The following SLC2A9 variants were observed in gnomAD, a reference collection of about 807,000 sequenced individuals.
The protein encoded by SLC2A9 is solute carrier family 2 member 9.
A neutral mutation model predicts 50.6 loss-of-function variants in SLC2A9; 39 were observed. That is an observed-to-expected ratio of 0.77 (90% CI 0.60 to 1.01). SLC2A9 has a LOEUF of 1.01. Among genes scored for constraint, SLC2A9 ranks in the 50% least tolerant of loss-of-function variants. The pLI is 0.00. For missense variants in SLC2A9, 686 were observed against 677.6 expected (o/e 1.01, Z -0.14); for synonymous variants, 324 against 276.9 (o/e 1.17, Z -1.69).
intron 5 of SLC2A9, among the ~76,000 whole-genome samples, chr4:9,954,165 G>A (rs1037763485): frequency 8.6e-5 from 13 of 151,966 alleles, no homozygotes; most frequent in African/African-American, 2.2e-4. Context: ...CTCAAACTCC[G>A]GGGCTCAAGA....
chr4:9,977,871 C>A (rs1224723810), intron 5 of SLC2A9, among the ~76,000 whole-genome samples: 1 of 152,182 alleles, frequency 6.6e-6, no homozygotes, highest in Non-Finnish European at 1.5e-5. Flanking sequence ...CAGCAGCCAA[C>A]CCAATACCTG....
intron 5 of SLC2A9, among the ~76,000 whole-genome samples, chr4:9,949,525 G>A (rs1267112883): frequency 2.0e-5 from 3 of 152,220 alleles, no homozygotes; most frequent in African/African-American, 7.2e-5. Flanking sequence ...GTAAAGGTCA[G>A]GTAACTCATG....
At chr4:9,870,980 A>T (rs1469227729) in intron 10 of SLC2A9, among the ~76,000 whole-genome samples, 2 of 152,122 alleles carry the variant, frequency 1.3e-5, no homozygotes, top group Non-Finnish European at 2.9e-5. Context: ...ACATTGGTGT[A>T]ATCTTAGCTC....
intron 1 of SLC2A9, among the ~76,000 whole-genome samples, chr4:10,038,842 C>T (rs1483617755): frequency 1.3e-5 from 2 of 152,180 alleles, no homozygotes; most frequent in East Asian, 3.9e-4. Flanking sequence ...CCCTCAGTCA[C>T]TGTCAAACAC....
At chr4:9,850,763 C>T (rs545321356) in intron 10 of SLC2A9, among the ~76,000 whole-genome samples, 32 of 152,230 alleles carry the variant, frequency 2.1e-4, no homozygotes, top group Middle Eastern at 3.4e-3. Context: ...TGGACCTTGC[C>T]TCCCTCTCTT....
At chr4:9,961,044 T>C (rs1245136782) in intron 5 of SLC2A9, among the ~76,000 whole-genome samples, 1 of 152,162 alleles carries the variant, frequency 6.6e-6, no homozygotes, top group Middle Eastern at 3.2e-3. Context: ...AATATTATTG[T>C]CCTCATTTTA....
intron 2 of SLC2A9, among the ~76,000 whole-genome samples, chr4:10,006,936 T>C (rs1035438687): frequency 3.3e-5 from 5 of 151,890 alleles, no homozygotes; most frequent in Admixed American, 2.6e-4. Context: ...GTTTCCTTGT[T>C]AGACAAATTT....
At chr4:9,775,683 T>C (rs1717458595), downstream of SLC2A9, among the ~76,000 whole-genome samples, 1 of 152,138 alleles carries the variant, frequency 6.6e-6, no homozygotes, top group Non-Finnish European at 1.5e-5. Context: ...GGCCACGTGA[T>C]GTGCCTGCTC....
At chr4:9,942,157 G>A (rs1199570492) in intron 5 of SLC2A9, 112 bp from the exon 6 acceptor site, 47 of 1,311,668 alleles carry the variant, frequency 3.6e-5, no homozygotes, top group Non-Finnish European at 4.8e-5. Context: ...TGCCCAGCAT[G>A]ATCCCCAGGA....
Position 9,852,666 on chromosome 4 carries a change from T to C in SLC2A9, c.1292-17658A>G, listed in dbSNP as rs146528647. On this transcript the variant is annotated intron_variant, in intron 10 of 11. Coordinates refer to ENST00000264784, the MANE Select transcript of SLC2A9 (RefSeq NM_020041.3). ...TTCAGATAAGCAAGTGCTAAGGGAA[T>C]TCATTACCACCAGATCTGCCATATA... Among the ~76,000 whole-genome samples, 540 of 152,288 alleles carry C rather than the reference T, an allele frequency of 3.5e-3. 4 individuals are homozygous for C. Among genetic ancestry groups the C allele is most frequent in the African/African-American group, 0.012 (488 of 41,550 alleles).
chr4:10,005,182 A>G (rs1054557330), intron 2 of SLC2A9, among the ~76,000 whole-genome samples: 1 of 152,252 alleles, frequency 6.6e-6, no homozygotes, highest in Admixed American at 6.5e-5. Context: ...AAATGCCATG[A>G]CAATAGGAAG....
chr4:9,920,784 C>T (rs1388072839), intron 6 of SLC2A9, among the ~76,000 whole-genome samples: 1 of 152,212 alleles, frequency 6.6e-6, no homozygotes, highest in Non-Finnish European at 1.5e-5. Context: ...TGCTCAACAT[C>T]ACCCAGCTGG....
At chr4:9,795,676 A>G (rs1720507483), downstream of SLC2A9, among the ~76,000 whole-genome samples, 1 of 152,218 alleles carries the variant, frequency 6.6e-6, no homozygotes, top group Non-Finnish European at 1.5e-5. Context: ...AAAAAGACTA[A>G]AGTCTTAATT....
intron 10 of SLC2A9, among the ~76,000 whole-genome samples, chr4:9,883,746 A>G (rs1051087516): frequency 1.6e-4 from 25 of 152,204 alleles, no homozygotes; most frequent in African/African-American, 5.8e-4. Flanking sequence ...CTTACAGCTT[A>G]GTGCCTACTC....
At chr4:9,947,442 C>G (rs150805364) in intron 5 of SLC2A9, among the ~76,000 whole-genome samples, 4 of 152,304 alleles carry the variant, frequency 2.6e-5, no homozygotes, top group East Asian at 3.9e-4. Context: ...CCAGCCCACT[C>G]TGACCCCAAC....
upstream of SLC2A9, among the ~76,000 whole-genome samples, chr4:10,023,484 T>C (rs1057465892): frequency 2.6e-5 from 4 of 152,206 alleles, no homozygotes; most frequent in African/African-American, 4.8e-5. Context: ...AAAGCTCAAA[T>C]TGGATCAGGT....
intron 10 of SLC2A9, among the ~76,000 whole-genome samples, chr4:9,851,997 T>C (rs1351464781): frequency 1.3e-5 from 2 of 152,190 alleles, no homozygotes; most frequent in Non-Finnish European, 2.9e-5. Flanking sequence ...GGAAAACATA[T>C]TTGAGGATAT....
At chr4:9,964,129 G>A (rs896929764) in intron 5 of SLC2A9, among the ~76,000 whole-genome samples, 1 of 152,158 alleles carries the variant, frequency 6.6e-6, no homozygotes, top group African/African-American at 2.4e-5. Flanking sequence ...TCTTACAAAA[G>A]AGTTGCTGAA....
intron 6 of SLC2A9, among the ~76,000 whole-genome samples, chr4:9,923,521 T>C (rs13115469): frequency 0.69 from 105,657 of 152,028 alleles, 38,193 homozygotes; most frequent in East Asian, 0.98. Flanking sequence ...AGCCGTCCAT[T>C]TTGCAGATGG....
Sources: allele counts gnomAD v4.1 joint callset (sites outside exome capture counted in the v4.1 genomes callset), GRCh38; gene constraint gnomAD v4.1.1; transcripts MANE v1.5; gene names NCBI Gene and HGNC (gene_info 2026-07-23, HGNC 2026-07-21).